RETREG3: variants seen among roughly 807,000 people sequenced by gnomAD.
The protein encoded by RETREG3 is reticulophagy regulator 3.
Under a neutral mutation model 50.2 loss-of-function variants are expected in RETREG3, and 23 were observed. That is an observed-to-expected ratio of 0.46 (90% CI 0.33 to 0.65). The LOEUF is 0.65. RETREG3 is among the 30% of genes least tolerant of loss of function. The pLI is 0.02. For missense variants in RETREG3, 546 were observed against 598.0 expected (o/e 0.91, Z 0.91); for synonymous variants, 240 against 234.4 (o/e 1.02, Z -0.22).
Position 42,585,125 on chromosome 17 carries a change from A to C in RETREG3, c.727T>G (p.Leu243Val). Residue 243 changes from leucine (L) to valine (V), a missense_variant and splice_region_variant, in exon 6 of 9, where the codon TTA becomes GTA. Coordinates refer to ENST00000309428, the MANE Select transcript of RETREG3 (RefSeq NM_178126.4). Reference protein sequence around the residue: ...YMMSKQRERQLRRRALHPERA... With the variant: ...YMMSKQRERQVRRRALHPERA... ...GAAAGAATGACACCATGACACTTAC[A>C]TTGTCTCTCTCTCTGCTTGGACATC... The C allele has an allele frequency of 6.2e-7, 1 of 1,612,840 alleles. No individual in the cohort carries two copies. The highest frequency in any genetic ancestry group is 8.5e-7 in the Non-Finnish European group (1 of 1,179,998).
chr17:42,603,076 C>T (rs1316600940), intron 1 of RETREG3, among the ~76,000 whole-genome samples: 2 of 151,812 alleles, frequency 1.3e-5, no homozygotes, highest in Non-Finnish European at 2.9e-5. Flanking sequence ...ACTGTCCCTC[C>T]ACTCTGTCAG....
chr17:42,585,042 A>G, intron 6 of RETREG3, 83 bp downstream of exon 6: 2 of 1,540,596 alleles, frequency 1.3e-6, no homozygotes, highest in Non-Finnish European at 1.8e-6. Context: ...ACTTTTGAGG[A>G]CCCACCCAGT....
Position 42,592,097 on chromosome 17 carries a change from C to A in RETREG3, c.305G>T (p.Cys102Phe). 1 of 1,613,910 alleles carries A rather than the reference C, an allele frequency of 6.2e-7. No individual in the cohort carries two copies. The highest frequency in any genetic ancestry group is 8.5e-7 in the Non-Finnish European group (1 of 1,179,926). Residue 102 changes from cysteine (C) to phenylalanine (F), a missense_variant, in exon 2 of 9, where the codon TGT (cysteine) becomes TTT (phenylalanine). Cys to Phe is a radical substitution (Grantham distance 205). Transcript: ENST00000309428. The stretch of plus-strand genomic sequence containing the variant: ...GATTTTGTTCTTCCATTGATCAATA[C>A]ACACAATGATCATCAAGCCAAATGC... ...LLAFGLMIIV[C>F]IDQWKNKIWP...
chr17:42,583,296 T>C (rs1255518781), intron 7 of RETREG3, among the ~76,000 whole-genome samples: 4 of 151,704 alleles, frequency 2.6e-5, no homozygotes, highest in Non-Finnish European at 4.4e-5. Flanking sequence ...CAGGCTCTAA[T>C]TGAGACCTAG....
chr17:42,599,626 C>A (rs1369694272), intron 1 of RETREG3, among the ~76,000 whole-genome samples: 1 of 148,870 alleles, frequency 6.7e-6, no homozygotes, highest in Non-Finnish European at 1.5e-5. Context: ...TGCATTCCAG[C>A]CTGGGTGACA....
chr17:42,582,997 G>A (rs1344827254), intron 7 of RETREG3, among the ~76,000 whole-genome samples, 191 bp from the exon 8 acceptor site: 1 of 151,688 alleles, frequency 6.6e-6, no homozygotes, highest in Non-Finnish European at 1.5e-5. Context: ...ACATGTGAAA[G>A]TAACAACAAC....
chr17:42,590,505 A>C (rs1012956577), intron 2 of RETREG3, among the ~76,000 whole-genome samples: 1 of 151,264 alleles, frequency 6.6e-6, no homozygotes, highest in African/African-American at 2.4e-5. Flanking sequence ...AACCCCATCT[A>C]TAGAAAAAAT....
At chr17:42,590,147 C>G (rs557902497) in intron 2 of RETREG3, among the ~76,000 whole-genome samples, 1 of 151,986 alleles carries the variant, frequency 6.6e-6, no homozygotes, top group Non-Finnish European at 1.5e-5. Flanking sequence ...GAGGTTGCAG[C>G]GAGCCAAGAT....
At chr17:42,584,942 T>TAA (rs2093118139) in intron 6 of RETREG3, among the ~76,000 whole-genome samples, 183 bp downstream of exon 6, 1 of 151,880 alleles carries the variant, frequency 6.6e-6, no homozygotes, top group South Asian at 2.1e-4. Flanking sequence ...TTACAAATGA[T>TAA]AAAAACTGGC....
chr17:42,581,658 C>T lies in RETREG3; in HGVS notation c.*155G>A, dbSNP rs1310870254. The T allele has an allele frequency of 4.8e-6, 3 of 628,640 alleles. No homozygotes were observed. Among genetic ancestry groups the T allele is most frequent in the Admixed American group, 3.3e-5 (1 of 30,446 alleles). 38.9% of individuals were successfully genotyped at this position (628,640 alleles called of 1,614,324 possible). ...CAGCTGGTGGGAGGGGAGTGAGTGTCCTCTCTAAGGAGGCCTCTGAGCATC... is the reference window on the plus strand; with the variant it reads ...CAGCTGGTGGGAGGGGAGTGAGTGTTCTCTCTAAGGAGGCCTCTGAGCATC... On this transcript the variant is annotated 3_prime_UTR_variant, in exon 9 of 9. Coordinates refer to ENST00000309428, the MANE Select transcript of RETREG3 (RefSeq NM_178126.4).
rs147958787 is a variant in RETREG3 at position 42,585,179 on chromosome 17, G to A, written c.673C>T (p.Arg225Trp). Residue 225 changes from arginine (R) to tryptophan (W), a missense_variant, in exon 6 of 9, where the codon CGG becomes TGG. Arg to Trp is a moderately radical substitution (Grantham distance 101, BLOSUM62 -3). Coordinates refer to ENST00000309428, the MANE Select transcript of RETREG3 (RefSeq NM_178126.4). Reference protein sequence around the residue: ...AYVRLKPALQRLDFSVRGYMM... With the variant: ...AYVRLKPALQWLDFSVRGYMM... ...TAGCCACGGACACTGAAGTCTAGCCGCTGCAGAGCTGGCTTCAGCCGCACA... is the reference window on the plus strand; with the variant it reads ...TAGCCACGGACACTGAAGTCTAGCCACTGCAGAGCTGGCTTCAGCCGCACA... The A allele has an allele frequency of 2.8e-5, 45 of 1,613,798 alleles. No homozygotes were observed. In the African/African-American group the frequency reaches 4.3e-4, roughly 15 times the overall value.
chr17:42,600,387 G>GA (rs1467057099), intron 1 of RETREG3, among the ~76,000 whole-genome samples: 130 of 145,598 alleles, frequency 8.9e-4, no homozygotes, highest in Admixed American at 7.1e-3. Context: ...GTCTCGAAAA[G>GA]AAAAAAAAAA....
chr17:42,583,646 A>AATTT lies in RETREG3; in HGVS notation c.728-67_728-66insAAAT, dbSNP rs545225727. 1.3e-3 allele frequency: 1,865 copies of AATTT among 1,469,170 alleles called. 2 individuals carry two copies. The highest frequency in any genetic ancestry group is 2.2e-3 in the Admixed American group (120 of 53,910). The allele number at this position is 1,469,170 out of a possible 1,614,324, so 91.0% of individuals were successfully genotyped here. On this transcript the variant is annotated intron_variant, in intron 6 of 8. Coordinates refer to ENST00000309428, the MANE Select transcript of RETREG3 (RefSeq NM_178126.4). ...AGCGTAAAATCCCCTTTGGACTTTA[A>AATTT]AGACATAAAATCAGAACACAAAACA...
At chr17:42,607,180 T>A (rs1042674270) in intron 1 of RETREG3, among the ~76,000 whole-genome samples, 1 of 151,706 alleles carries the variant, frequency 6.6e-6, no homozygotes, top group Non-Finnish European at 1.5e-5. Flanking sequence ...CAGAGAGCAA[T>A]GGGAATCAGT....
In RETREG3 at chr17:42,586,911, G is replaced by A. The variant is rs768410342; in HGVS notation, c.378-20C>T. 3.1e-6 allele frequency: 5 copies of A among 1,611,804 alleles called. No homozygotes were observed. Among genetic ancestry groups the A allele is most frequent in the Non-Finnish European group, 4.2e-6 (5 of 1,179,194 alleles). On this transcript the variant is annotated intron_variant, in intron 3 of 8. Transcript: ENST00000309428. ...CCCCAGCTATGGGAGAGAGAAGGGG[G>A]AGCTGTGAAAGGAGGGTGTTGAGGG...
chr17:42,608,676 G>A (rs191023387), intron 1 of RETREG3: 2 of 169,408 alleles, frequency 1.2e-5, no homozygotes, highest in Admixed American at 1.3e-4. Flanking sequence ...AAGACTTCAC[G>A]CCTCTACTCC....
chr17:42,596,129 G>A (rs1164411766), intron 1 of RETREG3, among the ~76,000 whole-genome samples: 3 of 151,726 alleles, frequency 2.0e-5, no homozygotes, highest in Non-Finnish European at 4.4e-5. Context: ...AACACTTTGG[G>A]AGGCTGAGGT....
intron 1 of RETREG3, among the ~76,000 whole-genome samples, chr17:42,598,363 C>T (rs2093152241): frequency 6.6e-6 from 1 of 152,070 alleles, no homozygotes; most frequent in Non-Finnish European, 1.5e-5. Flanking sequence ...AAGGATTAAT[C>T]TTGTTATGGA....
At chr17:42,585,006 A>C in intron 6 of RETREG3, 119 bp downstream of exon 6, 14 of 1,148,576 alleles carry the variant, frequency 1.2e-5, no homozygotes, top group Admixed American at 2.1e-5. Context: ...ATCAATCCTC[A>C]CCCCCACCAA....
Sources: gnomAD v4.1 joint callset for allele counts (sites outside exome capture counted in the v4.1 genomes callset) on GRCh38, gnomAD v4.1.1 for gene constraint, MANE v1.5 for transcripts, NCBI Gene and HGNC (gene_info 2026-07-23, HGNC 2026-07-21) for gene names.